Variants in EYA1 observed in about 807,000 individuals in gnomAD.
EYA1 encodes the protein EYA transcriptional coactivator and phosphatase 1.
EYA1 carries 16 observed loss-of-function variants against 82.0 expected under a neutral mutation model. That is an observed-to-expected ratio of 0.20 (90% CI 0.13 to 0.30). The LOEUF is 0.30. EYA1 is among the 10% of genes least tolerant of loss of function. The pLI is 1.00. For missense variants in EYA1, 633 were observed against 730.7 expected (o/e 0.87, Z 1.54); for synonymous variants, 261 against 264.4 (o/e 0.99, Z 0.12).
At chr8:71,373,455 A>G (rs1276953566) in intron 2 of EYA1, among the ~76,000 whole-genome samples, 1 of 152,126 alleles carries the variant, frequency 6.6e-6, no homozygotes, top group Non-Finnish European at 1.5e-5. Flanking sequence ...GTACATTGAA[A>G]ATTATATGAA....
chr8:71,345,243 A>T (rs1478955077), intron 3 of EYA1, among the ~76,000 whole-genome samples: 1 of 152,252 alleles, frequency 6.6e-6, no homozygotes, highest in Admixed American at 6.5e-5. Context: ...TCTACAGCAA[A>T]GAAGGCAGAG....
intron 1 of EYA1, among the ~76,000 whole-genome samples, chr8:71,546,686 T>C (rs1815623780): frequency 6.6e-6 from 1 of 152,076 alleles, no homozygotes; most frequent in Non-Finnish European, 1.5e-5. Context: ...GTATTTTTAG[T>C]AGAGACGGGG....
chr8:71,470,903 G>T (rs545460963), intron 2 of EYA1: 1 of 454,752 alleles, frequency 2.2e-6, no homozygotes, highest in Non-Finnish European at 4.4e-6. Context: ...TCCAAATGTC[G>T]TAACATATTG....
chr8:71,308,092 T>C (rs1194518968), intron 7 of EYA1, among the ~76,000 whole-genome samples: 1 of 152,184 alleles, frequency 6.6e-6, no homozygotes, highest in Non-Finnish European at 1.5e-5. Context: ...AGAGGATGGA[T>C]AAGGTGACCA....
At chr8:71,446,145 A>G (rs1238379353) in intron 2 of EYA1, among the ~76,000 whole-genome samples, 1 of 152,182 alleles carries the variant, frequency 6.6e-6, no homozygotes, top group Non-Finnish European at 1.5e-5. Context: ...ACATGCCCTC[A>G]AGTTCAAATT....
At position 71,219,945 on chromosome 8, in the gene EYA1, G is replaced by A. The variant is rs541057020; in HGVS notation, c.1141-2922C>T. On this transcript the variant is annotated intron_variant, in intron 12 of 17. Coordinates refer to ENST00000340726, the MANE Select transcript of EYA1 (RefSeq NM_000503.6). ...TGCCTTCTGGACTAGGTTGTTTTTA[G>A]CTTCCAAATTTGTTTAAAACCCAGA... Among the ~76,000 whole-genome samples, 3 of 152,194 alleles carry A rather than the reference G, an allele frequency of 2.0e-5. No homozygotes were observed. The South Asian group carries it at 6.2e-4, about 32-fold the overall frequency.
At chr8:71,419,257 C>T (rs1482553689) in intron 2 of EYA1, among the ~76,000 whole-genome samples, 4 of 152,088 alleles carry the variant, frequency 2.6e-5, no homozygotes, top group Non-Finnish European at 4.4e-5. Context: ...TACAACAGTC[C>T]ATCATATCAT....
intron 2 of EYA1, among the ~76,000 whole-genome samples, chr8:71,484,735 C>T (rs1423469851): frequency 2.0e-5 from 3 of 152,228 alleles, no homozygotes; most frequent in Non-Finnish European, 4.4e-5. Flanking sequence ...AGTTACTGCA[C>T]CTTGTACTTC....
intron 2 of EYA1, among the ~76,000 whole-genome samples, chr8:71,376,916 T>C (rs1828407565): frequency 6.6e-6 from 1 of 152,124 alleles, no homozygotes; most frequent in African/African-American, 2.4e-5. Context: ...GCCTCCGTTC[T>C]GTCATTTCCG....
chr8:71,533,290 G>C (rs1394433661), intron 2 of EYA1, among the ~76,000 whole-genome samples: 5 of 152,188 alleles, frequency 3.3e-5, no homozygotes, highest in African/African-American at 9.7e-5. Flanking sequence ...TTAAAAAACT[G>C]TAAAGAAAAA....
chr8:71,441,036 C>A (rs894928767), intron 2 of EYA1, among the ~76,000 whole-genome samples: 30 of 151,888 alleles, frequency 2.0e-4, no homozygotes, highest in African/African-American at 7.3e-4. Context: ...CACTGATAAG[C>A]ACAAAAATAG....
chr8:71,410,017 T>A (rs1042589682), intron 2 of EYA1, among the ~76,000 whole-genome samples: 1 of 151,858 alleles, frequency 6.6e-6, no homozygotes, highest in Non-Finnish European at 1.5e-5. Context: ...ATCAAAAAGC[T>A]TATCCACCAT....
intron 2 of EYA1, among the ~76,000 whole-genome samples, chr8:71,512,493 AAC>A (rs1218019990): frequency 3.3e-5 from 5 of 152,108 alleles, no homozygotes; most frequent in Admixed American, 6.5e-5. Flanking sequence ...AAAAAACTAA[AAC>A]AGTTACAAAA....
chr8:71,291,888 G>A (rs959882177), intron 9 of EYA1, among the ~76,000 whole-genome samples: 1 of 151,982 alleles, frequency 6.6e-6, no homozygotes, highest in South Asian at 2.1e-4. Flanking sequence ...AATTGTGTTC[G>A]ACTGTATTTT....
intron 11 of EYA1, among the ~76,000 whole-genome samples, chr8:71,264,860 C>T (rs546637045): frequency 7.2e-5 from 11 of 152,092 alleles, no homozygotes; most frequent in East Asian, 3.9e-4. Context: ...TGGGATTACA[C>T]GCATAAACCA....
chr8:71,379,174 C>T (rs369087416), intron 2 of EYA1, among the ~76,000 whole-genome samples: 24 of 152,092 alleles, frequency 1.6e-4, no homozygotes, highest in East Asian at 9.7e-4. Flanking sequence ...ACTCGAGCCT[C>T]GAGGCTACCG....
At chr8:71,362,075 T>C (rs1020137021), upstream of EYA1, 5 of 982,436 alleles carry the variant, frequency 5.1e-6, no homozygotes, top group East Asian at 1.2e-4. Context: ...CTGAGAACCC[T>C]AGACAAAGAA....
chr8:71,227,836 G>A (rs569970202), intron 12 of EYA1, among the ~76,000 whole-genome samples: 2 of 152,166 alleles, frequency 1.3e-5, no homozygotes, highest in African/African-American at 4.8e-5. Context: ...CTTTTTAAAT[G>A]TCTTTTTCTT....
chr8:71,538,961 C>G (rs1007341965), intron 1 of EYA1, among the ~76,000 whole-genome samples: 5 of 152,038 alleles, frequency 3.3e-5, no homozygotes, highest in African/African-American at 1.2e-4. Context: ...CCCTAAATGG[C>G]CAAATCCTTT....
Sources: gnomAD v4.1 joint callset for allele counts (sites outside exome capture counted in the v4.1 genomes callset) on GRCh38, gnomAD v4.1.1 for gene constraint, MANE v1.5 for transcripts, NCBI Gene and HGNC (gene_info 2026-07-23, HGNC 2026-07-21) for gene names.